The following OPCML variants were observed in gnomAD, a reference collection of about 807,000 sequenced individuals.
The protein encoded by OPCML is opioid binding protein/cell adhesion molecule like.
OPCML carries 13 observed loss-of-function variants against 37.8 expected under a neutral mutation model. That is an observed-to-expected ratio of 0.34 (90% CI 0.22 to 0.55). The LOEUF (loss-of-function observed/expected upper bound fraction) is 0.55, where lower values mean the gene tolerates loss of function less well. Ranked by LOEUF, OPCML falls within the 20% of genes least tolerant of loss-of-function variation. The pLI is 0.91. For synonymous variants in OPCML, 176 were observed against 168.8 expected, an observed-to-expected ratio of 1.04 and a Z score of -0.33; for missense variants, 341 against 435.6, an observed-to-expected ratio of 0.78 and a Z score of 1.93.
intron 2 of OPCML, among the ~76,000 whole-genome samples, chr11:132,722,551 G>A (rs1944710594): frequency 6.6e-6 from 1 of 152,134 alleles, no homozygotes; most frequent in Non-Finnish European, 1.5e-5. Context: ...AAGGCAGCCT[G>A]TTCTCACATG....
chr11:133,345,861 T>G (rs1231726785), intron 1 of OPCML, among the ~76,000 whole-genome samples: 1 of 152,112 alleles, frequency 6.6e-6, no homozygotes, highest in Non-Finnish European at 1.5e-5. Context: ...ACACTTCAAT[T>G]CTCAATATTC....
intron 1 of OPCML, chr11:133,065,280 A>AC (rs1220696387): frequency 6.6e-6 from 1 of 152,234 alleles, no homozygotes; most frequent in Non-Finnish European, 1.5e-5. Flanking sequence ...GCAGATGCCC[A>AC]CCAAGGGAAC....
intron 3 of OPCML, among the ~76,000 whole-genome samples, chr11:132,650,169 ACAAGGTTTACAGTCACC>A (rs1231332467): frequency 1.3e-5 from 2 of 152,238 alleles, no homozygotes; most frequent in Non-Finnish European, 2.9e-5. Context: ...AAAGTGAACA[ACAAGGTTTACAGTCACC>A]CCTAACTAGC....
chr11:132,596,607 GT>G (rs2096492882), intron 3 of OPCML, among the ~76,000 whole-genome samples: 1 of 152,168 alleles, frequency 6.6e-6, no homozygotes, highest in Non-Finnish European at 1.5e-5. Flanking sequence ...GTGTGAAACA[GT>G]TTGTAGACAA....
intron 2 of OPCML, among the ~76,000 whole-genome samples, chr11:132,665,086 C>T (rs955759674): frequency 6.6e-6 from 1 of 152,086 alleles, no homozygotes; most frequent in African/African-American, 2.4e-5. Context: ...TGCATGCCCA[C>T]GTGTGTGTGC....
chr11:133,166,697 C>T (rs969346768), intron 1 of OPCML, among the ~76,000 whole-genome samples: 1 of 152,204 alleles, frequency 6.6e-6, no homozygotes, highest in African/African-American at 2.4e-5. Context: ...AGACCTCCTT[C>T]TCCCTCCACA....
At chr11:133,492,980 G>A (rs887841723) in intron 1 of OPCML, among the ~76,000 whole-genome samples, 4 of 152,170 alleles carry the variant, frequency 2.6e-5, no homozygotes, top group Non-Finnish European at 2.9e-5. Context: ...ACGAGGCAAG[G>A]AGAAGGGTTC....
chr11:133,066,942 G>T (rs533334078), intron 1 of OPCML: 1 of 152,298 alleles, frequency 6.6e-6, no homozygotes, highest in South Asian at 2.1e-4. Flanking sequence ...GCCTCCCAAG[G>T]TGTTGGGATT....
chr11:132,993,871 A>C (rs1946827657), intron 1 of OPCML, among the ~76,000 whole-genome samples: 1 of 152,130 alleles, frequency 6.6e-6, no homozygotes, highest in South Asian at 2.1e-4. Context: ...GCATTTTGAA[A>C]TCCTTTCTAC....
At position 133,508,607 on chromosome 11, in the gene OPCML, C is replaced by G. The variant is rs138425026; in HGVS notation, c.61+23657G>C. Among the ~76,000 whole-genome samples the G allele has an allele frequency of 3.9e-5, 6 of 152,324 alleles. No individual in the cohort carries two copies. In the East Asian group the frequency reaches 1.2e-3, roughly 29 times the overall value. ...CATCTGGGCTGCCGCAGGCAATGCT[C>G]CCTCTGGCCTCATAAGGAACTGGCC... On this transcript the variant is annotated intron_variant, in intron 1 of 7. Transcript: ENST00000524381.
At chr11:132,584,287 CTTAAAT>C (rs1221141578) in intron 3 of OPCML, among the ~76,000 whole-genome samples, 2 of 152,012 alleles carry the variant, frequency 1.3e-5, no homozygotes, top group African/African-American at 4.8e-5. Flanking sequence ...ATTGATGCTA[CTTAAAT>C]TTAAAGCATT....
intron 3 of OPCML, among the ~76,000 whole-genome samples, chr11:132,656,734 T>C (rs1941726362): frequency 6.6e-6 from 1 of 152,208 alleles, no homozygotes; most frequent in Non-Finnish European, 1.5e-5. Flanking sequence ...AATAAGCCTA[T>C]AAGAGAATTA....
At chr11:132,473,309 C>G (rs913034052) in intron 4 of OPCML, among the ~76,000 whole-genome samples, 1 of 152,192 alleles carries the variant, frequency 6.6e-6, no homozygotes, top group African/African-American at 2.4e-5. Context: ...CCTCGAGCTA[C>G]TGTGGACACA....
chr11:133,253,524 G>A (rs1045150628), intron 1 of OPCML, among the ~76,000 whole-genome samples: 2 of 152,114 alleles, frequency 1.3e-5, no homozygotes, highest in African/African-American at 4.8e-5. Flanking sequence ...TGGCCAGGCT[G>A]GTCTCAAACT....
At chr11:132,461,271 C>G (rs1172261773) in intron 4 of OPCML, among the ~76,000 whole-genome samples, 1 of 151,926 alleles carries the variant, frequency 6.6e-6, no homozygotes, top group African/African-American at 2.4e-5. Flanking sequence ...AGAAAAGCAA[C>G]CAAGCATATG....
intron 3 of OPCML, among the ~76,000 whole-genome samples, chr11:132,556,110 GA>G (rs1170907277): frequency 1.3e-5 from 2 of 151,028 alleles, no homozygotes; most frequent in East Asian, 2.0e-4. Flanking sequence ...AGCTAATTTA[GA>G]AAAAAAAATT....
Position 132,865,207 on chromosome 11 carries a change from T to C in OPCML, c.146+77719A>G, listed in dbSNP as rs181389024. ...ATACGCGCGCACGCAAACACACACA[T>C]ACATACATCTTACAAACTGAATTTA... is the stretch of plus-strand genomic sequence containing the variant. On this transcript the variant is annotated intron_variant, in intron 2 of 7. Transcript: ENST00000524381. Among the ~76,000 whole-genome samples the C allele has an allele frequency of 4.7e-3, 719 of 152,290 alleles. 4 individuals carry two copies. Among genetic ancestry groups the C allele is most frequent in the African/African-American group, 0.016 (685 of 41,578 alleles).
intron 2 of OPCML, among the ~76,000 whole-genome samples, chr11:132,926,526 T>A (rs1187142820): frequency 4.6e-5 from 7 of 152,126 alleles, no homozygotes; most frequent in Admixed American, 4.6e-4. Flanking sequence ...AGGAGAGGCA[T>A]ATACCAAGAA....
chr11:132,743,189 T>C (rs1006828453), intron 2 of OPCML, among the ~76,000 whole-genome samples: 1 of 152,206 alleles, frequency 6.6e-6, no homozygotes, highest in Non-Finnish European at 1.5e-5. Context: ...CAAGGTCTTT[T>C]TCCTGGGTTC....
Sources: gnomAD v4.1 joint callset for allele counts (sites outside exome capture counted in the v4.1 genomes callset) on GRCh38, gnomAD v4.1.1 for gene constraint, MANE v1.5 for transcripts, NCBI Gene and HGNC (gene_info 2026-07-23, HGNC 2026-07-21) for gene names.